PRKAR1B: variants seen among roughly 807,000 people sequenced by gnomAD.
The protein encoded by PRKAR1B is protein kinase cAMP-dependent type I regulatory subunit beta.
PRKAR1B carries 22 observed loss-of-function variants against 46.5 expected under a neutral mutation model. That is an observed-to-expected ratio of 0.47 (90% CI 0.34 to 0.68). The LOEUF (loss-of-function observed/expected upper bound fraction) is 0.68, where lower values mean the gene tolerates loss of function less well. Ranked by LOEUF, PRKAR1B falls within the 30% of genes least tolerant of loss-of-function variation. The pLI is 0.01. For missense variants in PRKAR1B, 445 were observed against 535.6 expected (o/e 0.83, Z 1.67); for synonymous variants, 259 against 217.7 (o/e 1.19, Z -1.67).
intron 3 of PRKAR1B, 59 bp downstream of exon 3, chr7:680,497 C>A: frequency 1.3e-6 from 2 of 1,500,350 alleles, no homozygotes; most frequent in Non-Finnish European, 1.8e-6. Flanking sequence ...AGGGAGCTCA[C>A]AGGTGACAGC....
intron 9 of PRKAR1B, among the ~76,000 whole-genome samples, chr7:559,487 G>A (rs1407345546): frequency 6.6e-6 from 1 of 152,190 alleles, no homozygotes; most frequent in Non-Finnish European, 1.5e-5. Flanking sequence ...GCCCCGAGTG[G>A]TGCAGGAAGG....
chr7:683,090 G>C (rs1219458619), intron 2 of PRKAR1B, among the ~76,000 whole-genome samples: 13 of 152,184 alleles, frequency 8.5e-5, no homozygotes, highest in Admixed American at 8.5e-4. Flanking sequence ...AGGAATTCAG[G>C]GGCAACCAGG....
intron 7 of PRKAR1B, among the ~76,000 whole-genome samples, chr7:587,190 A>G (rs568418287): frequency 1.3e-5 from 2 of 152,320 alleles, no homozygotes; most frequent in East Asian, 3.9e-4. Flanking sequence ...CCTGACACTC[A>G]GAGGAGCCCC....
intron 4 of PRKAR1B, among the ~76,000 whole-genome samples, chr7:635,603 C>G (rs1784002712): frequency 6.6e-6 from 1 of 152,184 alleles, no homozygotes; most frequent in South Asian, 2.1e-4. Flanking sequence ...AGGCTCGGGA[C>G]TCCTCCGCTG....
rs111502178 is a variant in PRKAR1B, at chr7:560,723, C to T, written c.892-9253G>A. Among the ~76,000 whole-genome samples the T allele has an allele frequency of 1.1e-3, 171 of 152,362 alleles. No homozygotes were observed. The highest frequency in any genetic ancestry group is 2.0e-3 in the Non-Finnish European group (139 of 68,034). Reference sequence around the variant, plus strand: ...CTGCCTCATCTGTTATATGGGACAACGCCAACCAATGCTACAGAGCGGCGG... The same window carrying T: ...CTGCCTCATCTGTTATATGGGACAATGCCAACCAATGCTACAGAGCGGCGG... On this transcript the variant is annotated intron_variant, in intron 9 of 10. Transcript: ENST00000537384. The surrounding 1 kb of genome is among the most constrained non-coding windows in gnomAD (Gnocchi z 4.2).
chr7:607,437 G>A lies in PRKAR1B; in HGVS notation c.456C>T (p.Ala152=), dbSNP rs1435975061. The A allele has an allele frequency of 6.2e-7, 1 of 1,613,980 alleles. No individual in the cohort carries two copies. The highest frequency in any genetic ancestry group is 1.3e-5 in the African/African-American group (1 of 75,062). The stretch of plus-strand genomic sequence containing the variant: ...CAGCGATGTGAGTGACAGGGAACAT[G>A]GCATCGAATATGTCACTGAAAAGCA... ...DDNERSDIFD[A]MFPVTHIAGE... The change falls in exon 5 of 11, where the codon GCC becomes GCT. Residue 152 remains alanine (A), a synonymous_variant. Coordinates refer to ENST00000537384, the MANE Select transcript of PRKAR1B (RefSeq NM_001164760.2).
chr7:690,327 C>A (rs559708971), intron 2 of PRKAR1B, among the ~76,000 whole-genome samples: 1 of 151,394 alleles, frequency 6.6e-6, no homozygotes, highest in South Asian at 2.1e-4. Flanking sequence ...AGGAAGGGAG[C>A]GAGGGCTGAA....
rs867062414 is a variant in PRKAR1B, at chr7:679,495, C to T, written c.348+1061G>A. Among the ~76,000 whole-genome samples the T allele has an allele frequency of 1.2e-3, 189 of 152,280 alleles. 1 individual carries two copies. Among genetic ancestry groups the T allele is most frequent in the African/African-American group, 4.3e-3 (177 of 41,552 alleles). On this transcript the variant is annotated intron_variant, in intron 3 of 10. Coordinates refer to ENST00000537384, the MANE Select transcript of PRKAR1B (RefSeq NM_001164760.2). ...GAGGAAGACCCCAGAGGTGGAGTGC[C>T]CTAATAAATTTTTAACAATGCTTGC...
chr7:689,272 C>T (rs1779277892), intron 2 of PRKAR1B, among the ~76,000 whole-genome samples: 1 of 151,980 alleles, frequency 6.6e-6, no homozygotes, highest in African/African-American at 2.4e-5. Context: ...CAGGCGCCCA[C>T]CACCACACCC....
At chr7:651,787 C>T (rs1183947995) in intron 4 of PRKAR1B, among the ~76,000 whole-genome samples, 1 of 115,702 alleles carries the variant, frequency 8.6e-6, no homozygotes, top group East Asian at 2.7e-4. Context: ...TTCACACCCA[C>T]ACAGCGCTAG....
At chr7:665,400 G>A (rs78486792) in intron 4 of PRKAR1B, among the ~76,000 whole-genome samples, 3,211 of 152,236 alleles carry the variant, frequency 0.021, 118 homozygotes, top group African/African-American at 0.074. Flanking sequence ...GGGGCCACGG[G>A]GGAGCTCTAG....
rs544174691 is a variant in PRKAR1B, at chr7:628,976, G to A, written c.441-21524C>T. On this transcript the variant is annotated intron_variant, in intron 4 of 10. Transcript: ENST00000537384. ...GTTCTGACGCCAAGGTGCTTGCAAC[G>A]TCCTGTGAGCCCGTGCCACTCCGCC... Among the ~76,000 whole-genome samples the A allele has an allele frequency of 4.1e-4, 62 of 152,276 alleles. 1 individual carries two copies. In the South Asian group the frequency reaches 0.012, roughly 29 times the overall value.
chr7:615,523 A>T (rs1249138581), intron 4 of PRKAR1B, among the ~76,000 whole-genome samples: 1 of 151,350 alleles, frequency 6.6e-6, no homozygotes, highest in African/African-American at 2.4e-5. Context: ...GAAGAAAGGA[A>T]AGAAAGAGAG....
intron 4 of PRKAR1B, among the ~76,000 whole-genome samples, chr7:626,814 G>A (rs1056759779): frequency 4.6e-5 from 7 of 151,914 alleles, no homozygotes; most frequent in African/African-American, 4.8e-5. Flanking sequence ...GGACACGAGC[G>A]GTCCTCCCGC....
rs1187875778 is a variant in PRKAR1B at position 596,126 on chromosome 7, G to C, written c.708+20C>G. ...CCAAGGGTGGGTGTTGGCCTTCTCT[G>C]TGCTTGGGCACCAACTCACCATAAG... On this transcript the variant is annotated intron_variant, in intron 7 of 10. Transcript: ENST00000537384. 6.2e-7 allele frequency: 1 copy of C among 1,605,146 alleles called. No individual in the cohort carries two copies. The highest frequency in any genetic ancestry group is 8.5e-7 in the Non-Finnish European group (1 of 1,173,226).
At position 674,682 on chromosome 7, in the gene PRKAR1B, G is replaced by A. The variant is rs139243618; in HGVS notation, c.440+2547C>T. Among the ~76,000 whole-genome samples, 5 of 151,978 alleles carry A rather than the reference G, an allele frequency of 3.3e-5. No homozygotes were observed. The East Asian group carries it at 7.7e-4, about 23-fold the overall frequency. Reference sequence around the variant, plus strand: ...CTACTCTAGCCACATCTAGCCACTCGTCATGCCCAGCTAACTCTCTCCATG... The same window carrying A: ...CTACTCTAGCCACATCTAGCCACTCATCATGCCCAGCTAACTCTCTCCATG... On this transcript the variant is annotated intron_variant, in intron 4 of 10. Transcript: ENST00000537384.
chr7:702,650 T>C lies in PRKAR1B; in HGVS notation c.177+8679A>G, dbSNP rs200440288. 1.6e-3 allele frequency among the ~76,000 whole-genome samples: 249 copies of C among 152,090 alleles called. 7 individuals are homozygous for C. In the East Asian group the frequency reaches 0.043, roughly 26 times the overall value. ...CATCCTGGCTAACACGGTGAAACCCTGTCTCTACTAAAAATACAAAAAATT... is the reference window on the plus strand; with the variant it reads ...CATCCTGGCTAACACGGTGAAACCCCGTCTCTACTAAAAATACAAAAAATT... On this transcript the variant is annotated intron_variant, in intron 2 of 10. Coordinates refer to ENST00000537384, the MANE Select transcript of PRKAR1B (RefSeq NM_001164760.2).
At chr7:554,491 T>C (rs1030160801) in intron 9 of PRKAR1B, among the ~76,000 whole-genome samples, 2 of 152,266 alleles carry the variant, frequency 1.3e-5, no homozygotes, top group African/African-American at 4.8e-5. Context: ...TGGTGAAACC[T>C]GGGTGTGGAG....
intron 9 of PRKAR1B, among the ~76,000 whole-genome samples, chr7:563,424 C>G (rs1440765405): frequency 6.6e-6 from 1 of 152,278 alleles, no homozygotes; most frequent in African/African-American, 2.4e-5. Flanking sequence ...TGTGCACTGT[C>G]CACTCAGCAG....
Sources: allele counts gnomAD v4.1 joint callset (sites outside exome capture counted in the v4.1 genomes callset), GRCh38; gene constraint gnomAD v4.1.1; non-coding constraint Gnocchi (gnomAD v3.1); transcripts MANE v1.5; gene names NCBI Gene and HGNC (gene_info 2026-07-23, HGNC 2026-07-21).